Variants in MOK observed in about 807,000 individuals in gnomAD.
MOK encodes the protein MAPK/MAK/MRK overlapping kinase.
Under a neutral mutation model 54.2 loss-of-function variants are expected in MOK, and 59 were observed. The observed-to-expected ratio is 1.09, with a 90% CI of 0.88 to 1.35. MOK has a LOEUF of 1.35. MOK is among the 40% of genes most tolerant of loss of function. The pLI is 0.00. For missense variants in MOK, 517 were observed against 526.2 expected (o/e 0.98, Z 0.17); for synonymous variants, 210 against 202.7 (o/e 1.04, Z -0.31).
intron 4 of MOK, among the ~76,000 whole-genome samples, chr14:102,253,051 G>A (rs1452039333): frequency 1.3e-5 from 2 of 152,230 alleles, no homozygotes; most frequent in African/African-American, 4.8e-5. Context: ...TGACTCTGCT[G>A]CTGCTCTAGC....
At chr14:102,219,478 G>A in the MOK span, among the ~76,000 whole-genome samples, 1 of 152,258 alleles carries the variant, frequency 6.6e-6, no homozygotes. Flanking sequence ...ACACTCCAGG[G>A]CTTGTGCCTG....
At chr14:102,292,857 G>A (rs1308433691) in intron 1 of MOK, among the ~76,000 whole-genome samples, 1 of 152,156 alleles carries the variant, frequency 6.6e-6, no homozygotes, top group Non-Finnish European at 1.5e-5. Flanking sequence ...ATTGAGGCTG[G>A]GTGTGGTAGC....
intron 4 of MOK, among the ~76,000 whole-genome samples, chr14:102,262,076 C>T (rs1236963590): frequency 3.4e-5 from 5 of 148,128 alleles, no homozygotes; most frequent in Non-Finnish European, 6.0e-5. Context: ...CTCCTGACCT[C>T]GTGATCCGCC....
At chr14:102,247,810 C>T (rs1021177437) in intron 7 of MOK, among the ~76,000 whole-genome samples, 3 of 152,200 alleles carry the variant, frequency 2.0e-5, no homozygotes, top group African/African-American at 4.8e-5. Context: ...ACTAAAGGAC[C>T]GAGCACAAAA....
At chr14:102,229,905 G>A (rs541816661) in intron 10 of MOK, 17 of 496,434 alleles carry the variant, frequency 3.4e-5, no homozygotes, top group African/African-American at 1.5e-4. Context: ...CAGTGCGGGC[G>A]GCAAAGGGCT....
At chr14:102,286,298 CAAAAAAA>C (rs60479729) in intron 1 of MOK, among the ~76,000 whole-genome samples, 3 of 25,598 alleles carry the variant, frequency 1.2e-4, no homozygotes, top group African/African-American at 1.2e-4. Context: ...GACTCCGTCT[CAAAAAAA>C]AAAAAAAAAA....
chr14:102,270,974 C>G (rs1325009808), intron 2 of MOK, among the ~76,000 whole-genome samples: 1 of 151,996 alleles, frequency 6.6e-6, no homozygotes, highest in Non-Finnish European at 1.5e-5. Context: ...GGTGGATAAC[C>G]TGAGGTCAGG....
chr14:102,231,647 C>T lies in MOK; in HGVS notation c.981+60G>A. On this transcript the variant is annotated intron_variant, in intron 10 of 11. Coordinates refer to ENST00000361847, the MANE Select transcript of MOK (RefSeq NM_014226.3). This position sits in a 1 kb window ranked among gnomAD's most constrained non-coding sequence, Gnocchi z 4.4. ...GTCCTCCTGAGAGAGACACAGGCCA[C>T]CCGAGGGCATCCAGTCCCGGCTGAG... 3 of 1,504,288 alleles carry T rather than the reference C, an allele frequency of 2.0e-6. No individual in the cohort carries two copies. Among genetic ancestry groups the T allele is most frequent in the Middle Eastern group, 2.4e-4 (1 of 4,182 alleles). 93.2% of individuals were successfully genotyped at this position (1,504,288 alleles called of 1,614,324 possible). A position where few individuals can be genotyped will look rare whatever the true frequency, so the allele number is the denominator to read the frequency against.
At chr14:102,216,056 T>C in the MOK span, among the ~76,000 whole-genome samples, 1 of 152,180 alleles carries the variant, frequency 6.6e-6, no homozygotes. Flanking sequence ...CTCTGCATGT[T>C]GGCAGCCGGC....
intron 2 of MOK, among the ~76,000 whole-genome samples, chr14:102,282,727 C>G (rs2069581376): frequency 6.6e-6 from 1 of 151,522 alleles, no homozygotes; most frequent in Admixed American, 6.6e-5. Context: ...GAGTGAGACC[C>G]TGTCTCAAAC....
At chr14:102,268,000 T>C (rs1597451148) in intron 2 of MOK, among the ~76,000 whole-genome samples, 3 of 150,506 alleles carry the variant, frequency 2.0e-5, no homozygotes, top group African/African-American at 4.9e-5. Flanking sequence ...AGTGTTGAGA[T>C]AGAGAAATCC....
intron 2 of MOK, among the ~76,000 whole-genome samples, chr14:102,266,451 C>T (rs1767627189): frequency 1.3e-5 from 2 of 151,922 alleles, no homozygotes; most frequent in Non-Finnish European, 2.9e-5. Context: ...ACCACAGGTG[C>T]ATCCCACTAT....
At chr14:102,256,818 C>T (rs764094945) in intron 4 of MOK, among the ~76,000 whole-genome samples, 21 of 152,180 alleles carry the variant, frequency 1.4e-4, no homozygotes, top group East Asian at 1.4e-3. Flanking sequence ...ACCTCCTTTA[C>T]GGTTTTTCCT....
In MOK at chr14:102,249,569, C is replaced by A. The variant is rs1055658351; in HGVS notation, c.590+1243G>T. 6.6e-6 allele frequency among the ~76,000 whole-genome samples: 1 copy of A among 152,096 alleles called. No homozygotes were observed. The highest frequency in any genetic ancestry group is 2.4e-5 in the African/African-American group (1 of 41,416). On this transcript the variant is annotated intron_variant, in intron 7 of 11. Coordinates refer to ENST00000361847, the MANE Select transcript of MOK (RefSeq NM_014226.3). The surrounding 1 kb of genome is among the most constrained non-coding windows in gnomAD (Gnocchi z 5.3). ...TACTAAAAATACAAAATTAGCCGGGCGTGGTGGTGCATGCCTGTAATCCCA... is the reference window on the plus strand; with the variant it reads ...TACTAAAAATACAAAATTAGCCGGGAGTGGTGGTGCATGCCTGTAATCCCA...
Position 102,294,307 on chromosome 14 carries a change from G to A in MOK, c.7+10655C>T, listed in dbSNP as rs572197567. The stretch of plus-strand genomic sequence containing the variant: ...TAAAAATACAAAAAATTAGCCAGGC[G>A]TGGTGGTGGGCACGTGTAGTCCCAG... On this transcript the variant is annotated intron_variant, in intron 1 of 11. Transcript: ENST00000361847. 2.4e-3 allele frequency among the ~76,000 whole-genome samples: 369 copies of A among 151,338 alleles called. 1 individual carries two copies. Among genetic ancestry groups the A allele is most frequent in the South Asian group, 6.0e-3 (29 of 4,810 alleles).
chr14:102,288,761 A>G (rs2070418186), intron 1 of MOK, among the ~76,000 whole-genome samples: 1 of 152,194 alleles, frequency 6.6e-6, no homozygotes, highest in Middle Eastern at 3.2e-3. Context: ...GAAAGTGGTT[A>G]CCCTTGTGGG....
rs532438836 is a variant in MOK at position 102,231,565 on chromosome 14, CG to C, written c.981+141del. Reference sequence around the variant, plus strand: ...GTCCCAACACATGGAGCCATCAACTCGCATGCTGTTCAGGCCTCGACTGACA... The same window carrying C: ...GTCCCAACACATGGAGCCATCAACTCCATGCTGTTCAGGCCTCGACTGACA... On this transcript the variant is annotated intron_variant, in intron 10 of 11. Coordinates refer to ENST00000361847, the MANE Select transcript of MOK (RefSeq NM_014226.3). This position sits in a 1 kb window ranked among gnomAD's most constrained non-coding sequence, Gnocchi z 4.4. 64 of 677,050 alleles carry C rather than the reference CG, an allele frequency of 9.5e-5. No individual in the cohort carries two copies. In the East Asian group the frequency reaches 1.1e-3, roughly 11 times the overall value. The allele number at this position is 677,050 out of a possible 1,614,324, so 41.9% of individuals were successfully genotyped here.
rs546868092 is a variant in MOK, at chr14:102,238,932, T to C, written c.591-5143A>G. Reference sequence around the variant, plus strand: ...ACACTCCCAGGGGAAGACTGGCAAATAGACTTCACCCACATGCCTCCCGTC... The same window carrying C: ...ACACTCCCAGGGGAAGACTGGCAAACAGACTTCACCCACATGCCTCCCGTC... On this transcript the variant is annotated intron_variant, in intron 7 of 11. Coordinates refer to ENST00000361847, the MANE Select transcript of MOK (RefSeq NM_014226.3). The surrounding 1 kb of genome is among the most constrained non-coding windows in gnomAD (Gnocchi z 4.8). Among the ~76,000 whole-genome samples the C allele has an allele frequency of 6.6e-5, 10 of 152,196 alleles. No homozygotes were observed. Among genetic ancestry groups the C allele is most frequent in the Non-Finnish European group, 1.3e-4 (9 of 68,008 alleles).
At chr14:102,217,465 GCAAGTGTGGCCCCT>G in the MOK span, among the ~76,000 whole-genome samples, 1 of 152,210 alleles carries the variant, frequency 6.6e-6, no homozygotes, top group Non-Finnish European at 1.5e-5. Flanking sequence ...TGGCATCTGG[GCAAGTGTGGCCCCT>G]CACTGTCACC....
Sources: allele counts gnomAD v4.1 joint callset (sites outside exome capture counted in the v4.1 genomes callset), GRCh38; gene constraint gnomAD v4.1.1; non-coding constraint Gnocchi (gnomAD v3.1); transcripts MANE v1.5; gene names NCBI Gene and HGNC (gene_info 2026-07-23, HGNC 2026-07-21).